The following AGBL4 variants were observed in gnomAD, a reference collection of about 807,000 sequenced individuals.
AGBL4 encodes the protein cytosolic carboxypeptidase 6.
In AGBL4, 58 loss-of-function variants were observed where a neutral mutation model predicts 66.4. That is an observed-to-expected ratio of 0.87 (90% CI 0.71 to 1.09). The LOEUF is 1.09. Among genes scored for constraint, AGBL4 ranks in the 50% least tolerant of loss-of-function variants. The pLI is 0.00. For missense variants in AGBL4, 579 were observed against 631.0 expected (o/e 0.92, Z 0.88); for synonymous variants, 234 against 222.9 (o/e 1.05, Z -0.44).
chr1:49,569,749 T>G (rs1239389673), intron 3 of AGBL4, among the ~76,000 whole-genome samples: 2 of 152,128 alleles, frequency 1.3e-5, no homozygotes, highest in Admixed American at 6.6e-5. Flanking sequence ...ACACTCACCA[T>G]TCTGAGTCTC....
chr1:49,837,962 A>G (rs1322163739), intron 2 of AGBL4, among the ~76,000 whole-genome samples: 1 of 152,202 alleles, frequency 6.6e-6, no homozygotes, highest in Non-Finnish European at 1.5e-5. Context: ...CACCATTTAT[A>G]GTAACCCCAG....
chr1:49,723,437 G>T (rs990810962), intron 2 of AGBL4, among the ~76,000 whole-genome samples: 8 of 151,786 alleles, frequency 5.3e-5, no homozygotes, highest in African/African-American at 1.9e-4. Flanking sequence ...TCAGCCTGCC[G>T]CATAAAGCCT....
chr1:49,854,530 A>AC (rs1044623529), intron 1 of AGBL4, among the ~76,000 whole-genome samples: 4 of 151,818 alleles, frequency 2.6e-5, no homozygotes, highest in Admixed American at 1.3e-4. Flanking sequence ...TGTTCTACTC[A>AC]CCCCCCTGAA....
chr1:49,536,403 G>T (rs977637753), intron 3 of AGBL4, among the ~76,000 whole-genome samples: 2 of 152,102 alleles, frequency 1.3e-5, no homozygotes, highest in African/African-American at 2.4e-5. Flanking sequence ...TTGGGGTCAT[G>T]AAATAGTTGA....
intron 4 of AGBL4, among the ~76,000 whole-genome samples, chr1:49,128,361 T>C (rs1645808952): frequency 6.6e-6 from 1 of 152,054 alleles, no homozygotes; most frequent in South Asian, 2.1e-4. Flanking sequence ...ATAAATTTAC[T>C]CTGTAATTTA....
intron 3 of AGBL4, among the ~76,000 whole-genome samples, chr1:49,445,576 G>A (rs1646136409): frequency 1.3e-5 from 2 of 151,676 alleles, no homozygotes; most frequent in South Asian, 4.1e-4. Context: ...TACTTTTGGT[G>A]TAACCAGGTG....
intron 4 of AGBL4, among the ~76,000 whole-genome samples, chr1:49,219,267 T>A (rs1649315434): frequency 1.3e-5 from 2 of 152,200 alleles, no homozygotes; most frequent in African/African-American, 4.8e-5. Flanking sequence ...TCTGGAAGCA[T>A]CTTTAAAGGT....
intron 6 of AGBL4, among the ~76,000 whole-genome samples, chr1:48,714,662 C>T (rs186972754): frequency 2.0e-5 from 3 of 152,332 alleles, no homozygotes; most frequent in Admixed American, 1.3e-4. Context: ...GACCATGCCG[C>T]TTCCTGGCTC....
chr1:48,601,140 C>T (rs544695400), intron 9 of AGBL4, among the ~76,000 whole-genome samples: 5 of 152,190 alleles, frequency 3.3e-5, no homozygotes, highest in Non-Finnish European at 7.3e-5. Flanking sequence ...TAAAAGGGTA[C>T]TCATGAGAGT....
intron 3 of AGBL4, among the ~76,000 whole-genome samples, chr1:49,265,844 CAT>C (rs1200374601): frequency 1.3e-5 from 2 of 151,912 alleles, no homozygotes; most frequent in Non-Finnish European, 2.9e-5. Context: ...TGTATAGACA[CAT>C]ATGTATACAT....
chr1:48,657,670 T>C (rs1314576707), intron 7 of AGBL4, among the ~76,000 whole-genome samples: 1 of 152,020 alleles, frequency 6.6e-6, no homozygotes, highest in African/African-American at 2.4e-5. Flanking sequence ...GCAAACAGTG[T>C]GGATAGAAGG....
Position 49,687,967 on chromosome 1 carries a change from T to C in AGBL4, c.282+9346A>G, listed in dbSNP as rs541596730. Among the ~76,000 whole-genome samples, 146 of 152,258 alleles carry C rather than the reference T, an allele frequency of 9.6e-4. 3 individuals are homozygous for C. The South Asian group carries it at 0.03, about 31-fold the overall frequency. ...GGCACATAGTGGGTATATATGTTTATAAGGTATATGAGATATTTTGATAAA... is the reference window on the plus strand; with the variant it reads ...GGCACATAGTGGGTATATATGTTTACAAGGTATATGAGATATTTTGATAAA... On this transcript the variant is annotated intron_variant, in intron 3 of 13. Coordinates refer to ENST00000371839, the MANE Select transcript of AGBL4 (RefSeq NM_032785.4).
At chr1:49,166,098 C>T (rs939873247) in intron 4 of AGBL4, among the ~76,000 whole-genome samples, 2 of 152,116 alleles carry the variant, frequency 1.3e-5, no homozygotes, top group African/African-American at 4.8e-5. Context: ...CATTTAACAA[C>T]TAAATAATAT....
At chr1:49,626,979 C>G (rs1645476352) in intron 3 of AGBL4, among the ~76,000 whole-genome samples, 1 of 152,156 alleles carries the variant, frequency 6.6e-6, no homozygotes, top group Non-Finnish European at 1.5e-5. Context: ...CCAGGAGGTA[C>G]TACAATGCTA....
At chr1:49,554,195 AG>A (rs1371111270) in intron 3 of AGBL4, among the ~76,000 whole-genome samples, 1 of 152,166 alleles carries the variant, frequency 6.6e-6, no homozygotes, top group Admixed American at 6.5e-5. Context: ...TAAATCCAGA[AG>A]GTCCAAACTA....
In AGBL4 at chr1:49,886,192, AC is replaced by A. The variant is rs1382374982; in HGVS notation, c.35-34675del. On this transcript the variant is annotated intron_variant, in intron 1 of 13. Coordinates refer to ENST00000371839, the MANE Select transcript of AGBL4 (RefSeq NM_032785.4). ...TTCCCAACCAGTCACTTAAACACTAACCTTCTACTTATGTGATAGTCATAGT... is the reference window on the plus strand; with the variant it reads ...TTCCCAACCAGTCACTTAAACACTAACTTCTACTTATGTGATAGTCATAGT... Among the ~76,000 whole-genome samples the A allele has an allele frequency of 2.6e-5, 4 of 152,244 alleles. No homozygotes were observed. The East Asian group carries it at 7.7e-4, about 29-fold the overall frequency.
intron 3 of AGBL4, among the ~76,000 whole-genome samples, chr1:49,555,883 G>T (rs1653402226): frequency 6.6e-6 from 1 of 152,060 alleles, no homozygotes; most frequent in Non-Finnish European, 1.5e-5. Context: ...GAAACAACAG[G>T]TGCTGGAGAG....
intron 11 of AGBL4, chr1:48,585,675 A>G (rs1168868732): frequency 1.3e-5 from 2 of 152,142 alleles, no homozygotes; most frequent in Non-Finnish European, 2.9e-5. Context: ...TCCAATCATA[A>G]TATCTCTGTG....
At chr1:49,543,280 T>C (rs957308833) in intron 3 of AGBL4, among the ~76,000 whole-genome samples, 1 of 152,096 alleles carries the variant, frequency 6.6e-6, no homozygotes, top group African/African-American at 2.4e-5. Flanking sequence ...GGGATTAACC[T>C]GGTGGGAAGA....
Sources: gnomAD v4.1 joint callset for allele counts (sites outside exome capture counted in the v4.1 genomes callset) on GRCh38, gnomAD v4.1.1 for gene constraint, MANE v1.5 for transcripts, NCBI Gene and HGNC (gene_info 2026-07-23, HGNC 2026-07-21) for gene names.